The following GOLGA4 variants were observed in gnomAD, a reference collection of about 807,000 sequenced individuals.
The protein encoded by GOLGA4 is golgin A4, also known as golgin subfamily A member 4.
Under a neutral mutation model 265.9 loss-of-function variants are expected in GOLGA4, and 169 were observed. The observed-to-expected ratio is 0.64, with a 90% CI of 0.56 to 0.72. The LOEUF is 0.72. Ranked by LOEUF, GOLGA4 falls within the 30% of genes least tolerant of loss-of-function variation. The probability of loss-of-function intolerance (pLI) is 0.00; values close to 1 mark genes in which losing one functional copy is unlikely to be tolerated. For missense variants in GOLGA4, 2,482 were observed against 2,483.4 expected (o/e 1.00, Z 0.01); for synonymous variants, 923 against 855.8 (o/e 1.08, Z -1.37).
rs878937299 is a variant in GOLGA4 at position 37,243,319 on chromosome 3, T to G, written c.-232T>G. ...CGCCGCCGCGGCTCCCGGGGCTGGA[T>G]GGGGGGCCGAGGCCAGCCAGTGGCA... On this transcript the variant is annotated 5_prime_UTR_variant, in exon 1 of 24. An upstream start codon of the reference 5' UTR is lost. Transcript: ENST00000361924. 5.4e-6 allele frequency: 3 copies of G among 559,602 alleles called. No homozygotes were observed. Among genetic ancestry groups the G allele is most frequent in the East Asian group, 3.2e-5 (1 of 31,420 alleles). 34.7% of individuals were successfully genotyped at this position (559,602 alleles called of 1,614,324 possible). A position where few individuals can be genotyped will look rare whatever the true frequency, so the allele number is the denominator to read the frequency against.
intron 1 of GOLGA4, among the ~76,000 whole-genome samples, chr3:37,246,186 A>T (rs115890932): frequency 9.7e-4 from 148 of 152,168 alleles, no homozygotes; most frequent in African/African-American, 3.3e-3. Context: ...GCACACCTGT[A>T]ATCCTGGCTA....
chr3:37,329,144 T>C (rs1219443961), intron 16 of GOLGA4, 51 bp downstream of exon 16: 1 of 1,461,818 alleles, frequency 6.8e-7, no homozygotes, highest in Non-Finnish European at 9.2e-7. Flanking sequence ...CTGTAATAGA[T>C]TTCATGGTAG....
chr3:37,362,240 ATTTTTT>A (rs773620319), intron 23 of GOLGA4, among the ~76,000 whole-genome samples: 12 of 93,978 alleles, frequency 1.3e-4, no homozygotes, highest in Admixed American at 4.0e-4. Context: ...TTTATTTATT[ATTTTTT>A]TTTTTTTTGA....
chr3:37,275,041 G>A (rs973144888), intron 2 of GOLGA4, among the ~76,000 whole-genome samples: 2 of 151,106 alleles, frequency 1.3e-5, no homozygotes, highest in Non-Finnish European at 3.0e-5. Flanking sequence ...GTGAAACCCC[G>A]TCTCTACTAA....
chr3:37,316,527 A>C (rs1272476104), intron 11 of GOLGA4, among the ~76,000 whole-genome samples: 2 of 152,200 alleles, frequency 1.3e-5, no homozygotes, highest in Non-Finnish European at 2.9e-5. Context: ...ATTTGTGGCC[A>C]ATTATTGGAT....
intron 2 of GOLGA4, among the ~76,000 whole-genome samples, chr3:37,274,624 T>G (rs1195394729): frequency 6.6e-6 from 1 of 151,126 alleles, no homozygotes; most frequent in Non-Finnish European, 1.5e-5. Context: ...AGCCTGGGAG[T>G]GGAGGCTGCA....
chr3:37,277,785 T>A (rs150768302), intron 2 of GOLGA4, among the ~76,000 whole-genome samples: 1,997 of 152,128 alleles, frequency 0.013, 54 homozygotes, highest in African/African-American at 0.045. Context: ...GTACACTTGC[T>A]CTAGCATACT....
intron 2 of GOLGA4, among the ~76,000 whole-genome samples, chr3:37,254,906 T>A (rs1248305509): frequency 2.7e-5 from 4 of 148,062 alleles, no homozygotes; most frequent in Non-Finnish European, 4.5e-5. Flanking sequence ...AGCTTATATA[T>A]TATATATATA....
rs1409578897 is a variant in GOLGA4 at position 37,259,584 on chromosome 3, G to A, written c.162+8100G>A. ...TTTCCCCTCTGTCAGTCTAGCTAAT[G>A]GTTTGTCAATTTTGTTGATCTTTTG... is the stretch of plus-strand genomic sequence containing the variant. On this transcript the variant is annotated intron_variant, in intron 2 of 23. Transcript: ENST00000361924. Among the ~76,000 whole-genome samples, 3 of 152,056 alleles carry A rather than the reference G, an allele frequency of 2.0e-5. No individual in the cohort carries two copies. The East Asian group carries it at 5.8e-4, about 29-fold the overall frequency.
chr3:37,340,387 C>G (rs1030257503), intron 20 of GOLGA4, among the ~76,000 whole-genome samples, 188 bp downstream of exon 20: 19 of 151,894 alleles, frequency 1.3e-4, no homozygotes, highest in African/African-American at 4.4e-4. Flanking sequence ...GTTATAGATT[C>G]ATTGTGGAAT....
rs2096847640 is a variant in GOLGA4 at position 37,286,025 on chromosome 3, T to A, written c.489T>A (p.Ala163=). Residue 163 remains alanine (A), a synonymous_variant, in exon 4 of 24, where the codon GCT becomes GCA. Coordinates refer to ENST00000361924, the MANE Select transcript of GOLGA4 (RefSeq NM_002078.5). ...YRGKYSELVT[A]YQMLQREKKK... ...TGACTATATTTTAGCTTGTTACAGC[T>A]TATCAGATGCTTCAGAGAGAGAAGA... The A allele has an allele frequency of 6.4e-7, 1 of 1,572,260 alleles. No individual in the cohort carries two copies. Among genetic ancestry groups the A allele is most frequent in the Non-Finnish European group, 8.7e-7 (1 of 1,145,954 alleles).
chr3:37,265,078 C>T (rs930033209), intron 2 of GOLGA4, among the ~76,000 whole-genome samples: 1 of 151,856 alleles, frequency 6.6e-6, no homozygotes, highest in Non-Finnish European at 1.5e-5. Flanking sequence ...GTGACATCCA[C>T]AGAACTTATT....
chr3:37,347,696 T>G (rs1668481598), intron 21 of GOLGA4, among the ~76,000 whole-genome samples: 1 of 152,144 alleles, frequency 6.6e-6, no homozygotes, highest in African/African-American at 2.4e-5. Context: ...CCTAGAGAGA[T>G]TTAGAAACAT....
intron 13 of GOLGA4, among the ~76,000 whole-genome samples, chr3:37,322,450 A>G (rs1030849694): frequency 6.6e-6 from 1 of 152,084 alleles, no homozygotes; most frequent in Non-Finnish European, 1.5e-5. Context: ...TGTACAACCT[A>G]TTTTGAAAAC....
At chr3:37,287,139 G>A (rs1280534602) in intron 4 of GOLGA4, among the ~76,000 whole-genome samples, 3 of 152,286 alleles carry the variant, frequency 2.0e-5, no homozygotes, top group South Asian at 2.1e-4. Flanking sequence ...TCAGGAGTTC[G>A]AGATGAGCCT....
At chr3:37,260,791 A>G (rs11129754) in intron 2 of GOLGA4, among the ~76,000 whole-genome samples, 45,830 of 152,090 alleles carry the variant, frequency 0.3, 7,795 homozygotes, top group Non-Finnish European at 0.39. Flanking sequence ...TTTGTTGCCT[A>G]TGAGTGAAAA....
Position 37,322,861 on chromosome 3 carries a change from G to T in GOLGA4, c.1702-727G>T, listed in dbSNP as rs2096958919. Among the ~76,000 whole-genome samples, 3 of 151,022 alleles carry T rather than the reference G, an allele frequency of 2.0e-5. No homozygotes were observed. In the South Asian group the frequency reaches 6.3e-4, roughly 32 times the overall value. On this transcript the variant is annotated intron_variant, in intron 13 of 23. Coordinates refer to ENST00000361924, the MANE Select transcript of GOLGA4 (RefSeq NM_002078.5). ...AAAGAACCTTCCAAATGATAATTTT[G>T]AAGGTGGAAAAATCATACATTCTTT...
chr3:37,340,185 G>A lies in GOLGA4; in HGVS notation c.6458G>A (p.Gly2153Glu). ...YEKNVYATTV[G>E]TPYKGGNLYH... ...AAGAATGTATATGCAACAACTGTGG[G>A]GACACCTTACAAAGGTAAGGATGAT... Residue 2153 changes from glycine (G) to glutamate (E), a missense_variant, in exon 20 of 24, where the codon GGG (glycine) becomes GAG (glutamate). Gly to Glu is a moderately conservative substitution (Grantham distance 98, BLOSUM62 -2). Around this residue, in one of 3 missense-constraint regions of GOLGA4, gnomAD observed 942 missense variants for 983.1 expected, o/e 0.96. Coordinates refer to ENST00000361924, the MANE Select transcript of GOLGA4 (RefSeq NM_002078.5). 2 of 1,378,472 alleles carry A rather than the reference G, an allele frequency of 1.5e-6. No individual in the cohort carries two copies. Among genetic ancestry groups the A allele is most frequent in the Non-Finnish European group, 2.0e-6 (2 of 986,450 alleles). The allele number at this position is 1,378,472 out of a possible 1,614,324, so 85.4% of individuals were successfully genotyped here.
Position 37,344,655 on chromosome 3 carries a change from C to T in GOLGA4, c.6473-2538C>T, listed in dbSNP as rs948714308. Among the ~76,000 whole-genome samples, 19 of 152,072 alleles carry T rather than the reference C, an allele frequency of 1.2e-4. 1 individual carries two copies. Among genetic ancestry groups the T allele is most frequent in the African/African-American group, 4.6e-4 (19 of 41,400 alleles). On this transcript the variant is annotated intron_variant, in intron 20 of 23. Transcript: ENST00000361924. ...ACCTTCACTATCTTAATAACTGTCACTTCATAATAAGTCTTGATGTCTGGC... is the reference window on the plus strand; with the variant it reads ...ACCTTCACTATCTTAATAACTGTCATTTCATAATAAGTCTTGATGTCTGGC...
Sources: allele counts gnomAD v4.1 joint callset (sites outside exome capture counted in the v4.1 genomes callset), GRCh38; gene constraint gnomAD v4.1.1; regional missense constraint gnomAD v4.1.1; transcripts MANE v1.5; gene names NCBI Gene and HGNC (gene_info 2026-07-23, HGNC 2026-07-21).